TCF12: variants seen among roughly 807,000 people sequenced by gnomAD.
TCF12 encodes the protein DNA-binding protein HTF4.
Under a neutral mutation model 86.0 loss-of-function variants are expected in TCF12, and 45 were observed. The observed-to-expected ratio is 0.52, with a 90% CI of 0.41 to 0.67. The LOEUF is 0.67. Ranked by LOEUF, TCF12 falls within the 30% of genes least tolerant of loss-of-function variation. The probability of loss-of-function intolerance (pLI) is 0.00; values close to 1 mark genes in which losing one functional copy is unlikely to be tolerated. For synonymous variants in TCF12, 330 were observed against 299.6 expected, an observed-to-expected ratio of 1.10 and a Z score of -1.05; for missense variants, 881 against 859.9, an observed-to-expected ratio of 1.02 and a Z score of -0.31.
intron 3 of TCF12, 85 bp from the exon 4 acceptor site, chr15:57,063,665 G>A: frequency 1.8e-6 from 2 of 1,090,712 alleles, no homozygotes; most frequent in Non-Finnish European, 2.7e-6. Context: ...AATACCACTT[G>A]CTAAATTGTA....
intron 4 of TCF12, among the ~76,000 whole-genome samples, chr15:57,078,301 G>T (rs571733989): frequency 6.6e-6 from 1 of 152,082 alleles, no homozygotes; most frequent in Admixed American, 6.6e-5. Context: ...TGGCGGACTG[G>T]TTTGTACCTC....
intron 4 of TCF12, among the ~76,000 whole-genome samples, chr15:57,081,541 G>A (rs2264904): frequency 0.57 from 86,515 of 151,892 alleles, 24,876 homozygotes; most frequent in Admixed American, 0.61. Flanking sequence ...TATTATAGTA[G>A]TAGTTATTAC....
chr15:56,999,631 T>C (rs1371025458), intron 3 of TCF12, among the ~76,000 whole-genome samples: 1 of 152,120 alleles, frequency 6.6e-6, no homozygotes, highest in Non-Finnish European at 1.5e-5. Flanking sequence ...CCCAGCACTT[T>C]GGGAGGGCAA....
intron 3 of TCF12, among the ~76,000 whole-genome samples, chr15:56,958,642 A>G (rs1416871652): frequency 1.3e-5 from 2 of 151,314 alleles, no homozygotes; most frequent in African/African-American, 4.9e-5. Context: ...CAATATATAC[A>G]GTTTGCCTGT....
intron 8 of TCF12, among the ~76,000 whole-genome samples, chr15:57,228,754 A>G (rs1233428164): frequency 1.6e-5 from 2 of 124,572 alleles, no homozygotes; most frequent in East Asian, 2.2e-4. Context: ...ATGTAAGTAT[A>G]TTAGTGTGTG....
At chr15:57,224,889 C>A (rs1209140021) in intron 8 of TCF12, among the ~76,000 whole-genome samples, 2 of 152,064 alleles carry the variant, frequency 1.3e-5, no homozygotes, top group Admixed American at 6.6e-5. Flanking sequence ...GGTATTTTTA[C>A]TGGAACTATC....
chr15:56,986,869 A>G (rs1005862935), intron 3 of TCF12, among the ~76,000 whole-genome samples: 4 of 152,248 alleles, frequency 2.6e-5, no homozygotes, highest in Non-Finnish European at 4.4e-5. Flanking sequence ...TGTAATACAT[A>G]GCAGGATGTA....
chr15:56,937,395 C>A (rs574863765), intron 3 of TCF12, among the ~76,000 whole-genome samples: 44 of 150,398 alleles, frequency 2.9e-4, no homozygotes, highest in Admixed American at 1.3e-3. Context: ...GTCATTCTGT[C>A]TCCTCGGTTG....
intron 20 of TCF12, among the ~76,000 whole-genome samples, chr15:57,285,785 C>G (rs1283516042): frequency 6.6e-6 from 1 of 152,148 alleles, no homozygotes; most frequent in Non-Finnish European, 1.5e-5. Flanking sequence ...ACCATATAGC[C>G]GGGTGTGGTG....
intron 8 of TCF12, chr15:57,219,723 T>A: frequency 2.0e-6 from 1 of 493,950 alleles, no homozygotes; most frequent in Non-Finnish European, 2.9e-6. Context: ...TAGATTTCTT[T>A]TTTTTTTTTT....
chr15:57,082,520 A>G (rs180921193), intron 4 of TCF12, among the ~76,000 whole-genome samples: 1 of 152,364 alleles, frequency 6.6e-6, no homozygotes, highest in African/African-American at 2.4e-5. Flanking sequence ...ACCCAGGCCA[A>G]ACTATTTCAG....
Position 57,289,094 on chromosome 15 carries a change from T to C in TCF12, c.*2949T>C, listed in dbSNP as rs1188453803. ...TTTTTTTTTGACAGTGAATGACTTT[T>C]TGTAGGACCTGTGCGTGCGAAACCC... On this transcript the variant is annotated 3_prime_UTR_variant, in exon 21 of 21. Coordinates refer to ENST00000333725, the MANE Select transcript of TCF12 (RefSeq NM_207037.2). 6.6e-6 allele frequency: 1 copy of C among 152,176 alleles called. No individual in the cohort carries two copies. The highest frequency in any genetic ancestry group is 2.4e-5 in the African/African-American group (1 of 41,434). 9.4% of individuals were successfully genotyped at this position (152,176 alleles called of 1,614,324 possible).
intron 8 of TCF12, among the ~76,000 whole-genome samples, chr15:57,227,506 G>C (rs1464109110): frequency 2.0e-5 from 3 of 152,138 alleles, no homozygotes; most frequent in African/African-American, 7.2e-5. Flanking sequence ...ACTGTGAAGA[G>C]TAACTGTAAA....
intron 5 of TCF12, among the ~76,000 whole-genome samples, chr15:57,131,662 T>C (rs1168809619): frequency 6.6e-6 from 1 of 152,196 alleles, no homozygotes; most frequent in African/African-American, 2.4e-5. Context: ...TTGATCTCTG[T>C]TCATCCCTAC....
chr15:57,089,702 G>A (rs1384949144), intron 4 of TCF12, among the ~76,000 whole-genome samples: 4 of 151,032 alleles, frequency 2.6e-5, no homozygotes, highest in African/African-American at 9.9e-5. Context: ...TGTGTAGCGT[G>A]AACAATGTAG....
chr15:57,226,331 A>G (rs1327517861), intron 8 of TCF12, among the ~76,000 whole-genome samples: 4 of 151,746 alleles, frequency 2.6e-5, no homozygotes, highest in East Asian at 1.9e-4. Flanking sequence ...ATAATATCAT[A>G]TTTTCATTTT....
At chr15:56,967,933 C>T (rs1297234920) in intron 3 of TCF12, among the ~76,000 whole-genome samples, 1 of 151,950 alleles carries the variant, frequency 6.6e-6, no homozygotes. Context: ...TTTAGCTTCT[C>T]ATTGGTTGCT....
intron 6 of TCF12, among the ~76,000 whole-genome samples, chr15:57,170,704 TAA>T (rs1491259477): frequency 0.013 from 81 of 6,306 alleles, 3 homozygotes; most frequent in Admixed American, 0.028. Flanking sequence ...ATATTATATA[TAA>T]TATATAATAT....
At chr15:57,195,995 A>C (rs11633061) in intron 7 of TCF12, among the ~76,000 whole-genome samples, 57,972 of 152,004 alleles carry the variant, frequency 0.38, 13,734 homozygotes, top group Non-Finnish European at 0.53. Flanking sequence ...CAGAGCAAGA[A>C]CCTGTCTCTG....
Sources: allele counts gnomAD v4.1 joint callset (sites outside exome capture counted in the v4.1 genomes callset), GRCh38; gene constraint gnomAD v4.1.1; transcripts MANE v1.5; gene names NCBI Gene and HGNC (gene_info 2026-07-23, HGNC 2026-07-21).